The following SEMA6D variants were observed in gnomAD, a reference collection of about 807,000 sequenced individuals.
The protein encoded by SEMA6D is semaphorin-6D.
In SEMA6D, 35 loss-of-function variants were observed where a neutral mutation model predicts 106.6. That is an observed-to-expected ratio of 0.33 (90% confidence interval 0.25 to 0.44). The LOEUF (loss-of-function observed/expected upper bound fraction) is 0.44, where lower values mean the gene tolerates loss of function less well. Among genes scored for constraint, SEMA6D ranks in the 20% least tolerant of loss-of-function variants. SEMA6D has a pLI of 1.00. For synonymous variants in SEMA6D, 499 were observed against 487.7 expected (o/e 1.02, Z -0.31); for missense variants, 1,185 against 1,345.9 (o/e 0.88, Z 1.87).
chr15:47,319,545 C>A (rs188125945), intron 1 of SEMA6D, among the ~76,000 whole-genome samples: 110 of 152,116 alleles, frequency 7.2e-4, no homozygotes, highest in Non-Finnish European at 3.1e-4. Context: ...TTTTCTCCCC[C>A]CACCCCAGGG....
chr15:47,467,425 G>A (rs577475365), intron 2 of SEMA6D, among the ~76,000 whole-genome samples: 2 of 152,244 alleles, frequency 1.3e-5, no homozygotes. Flanking sequence ...GCTAGAAGAG[G>A]CAATGTAGAG....
chr15:47,381,310 A>T (rs2145620276), intron 1 of SEMA6D, among the ~76,000 whole-genome samples: 1 of 152,370 alleles, frequency 6.6e-6, no homozygotes, highest in South Asian at 2.1e-4. Context: ...TTGGCTCATT[A>T]CTGGAAACAG....
chr15:47,727,048 T>C (rs1457773174), intron 1 of SEMA6D, among the ~76,000 whole-genome samples: 1 of 152,188 alleles, frequency 6.6e-6, no homozygotes, highest in East Asian at 1.9e-4. Flanking sequence ...GTCAGCTGTT[T>C]CAGAATTGTG....
chr15:47,727,351 T>C (rs1478880748), intron 1 of SEMA6D, among the ~76,000 whole-genome samples: 1 of 152,210 alleles, frequency 6.6e-6, no homozygotes, highest in African/African-American at 2.4e-5. Flanking sequence ...TCTGTGTTTT[T>C]AAGGAACACT....
rs192402936 is a variant in SEMA6D, at chr15:47,197,948, C to A, written c.-239+13530C>A. Among the ~76,000 whole-genome samples, 485 of 151,642 alleles carry A rather than the reference C, an allele frequency of 3.2e-3. 4 individuals carry two copies. The highest frequency in any genetic ancestry group is 0.011 in the African/African-American group (473 of 41,226). ...TTTTTGGATATATTTAAATCATTTC[C>A]TTGGGGAGTCAAAAGGCTTACTGTC... On this transcript the variant is annotated intron_variant, in intron 1 of 19. Transcript: ENST00000558014.
intron 3 of SEMA6D, among the ~76,000 whole-genome samples, chr15:47,565,441 G>A (rs1403742417): frequency 2.0e-5 from 3 of 152,198 alleles, no homozygotes; most frequent in Admixed American, 6.5e-5. Context: ...ACTCCCTCCC[G>A]TGAGGAGTTG....
At chr15:47,556,756 C>A (rs1186857634) in intron 3 of SEMA6D, among the ~76,000 whole-genome samples, 3 of 152,132 alleles carry the variant, frequency 2.0e-5, no homozygotes, top group African/African-American at 7.2e-5. Flanking sequence ...GGAACCATAA[C>A]ATGGCTGGGG....
intron 4 of SEMA6D, among the ~76,000 whole-genome samples, chr15:47,692,601 C>T (rs2078613163): frequency 6.6e-6 from 1 of 152,184 alleles, no homozygotes; most frequent in Non-Finnish European, 1.5e-5. Flanking sequence ...ACCTGATTCT[C>T]CAATGCTCAA....
chr15:47,594,505 C>T (rs8043206), intron 3 of SEMA6D, among the ~76,000 whole-genome samples: 63,888 of 151,994 alleles, frequency 0.42, 14,950 homozygotes, highest in South Asian at 0.53. Flanking sequence ...TTGCAGGAGA[C>T]GTTCAATTAT....
At chr15:47,672,201 A>G (rs1452256572) in intron 4 of SEMA6D, among the ~76,000 whole-genome samples, 1 of 152,182 alleles carries the variant, frequency 6.6e-6, no homozygotes, top group Non-Finnish European at 1.5e-5. Flanking sequence ...ATTCAAAACC[A>G]GGAAGCCTGG....
At chr15:47,448,255 G>A (rs1055251620) in intron 2 of SEMA6D, among the ~76,000 whole-genome samples, 2 of 152,102 alleles carry the variant, frequency 1.3e-5, no homozygotes, top group African/African-American at 4.8e-5. Flanking sequence ...CGGGATCTTT[G>A]TTCATGCCTG....
At chr15:47,491,181 A>C (rs551378404) in intron 3 of SEMA6D, among the ~76,000 whole-genome samples, 1 of 152,228 alleles carries the variant, frequency 6.6e-6, no homozygotes, top group Non-Finnish European at 1.5e-5. Flanking sequence ...TAAAATAAAA[A>C]AAGTTTTCTA....
intron 4 of SEMA6D, among the ~76,000 whole-genome samples, chr15:47,670,500 C>T (rs2078116677): frequency 6.6e-6 from 1 of 152,176 alleles, no homozygotes; most frequent in Non-Finnish European, 1.5e-5. Flanking sequence ...GCAAGCAAGA[C>T]ATGGGGGAGA....
intron 3 of SEMA6D, among the ~76,000 whole-genome samples, chr15:47,520,114 A>T (rs2044522831): frequency 1.3e-5 from 2 of 152,244 alleles, no homozygotes; most frequent in Admixed American, 1.3e-4. Flanking sequence ...GTGTCTGGGC[A>T]TGTGCAGTTC....
Position 47,634,598 on chromosome 15 carries a change from A to G in SEMA6D, c.-55+33702A>G, listed in dbSNP as rs376574510. 3.3e-4 allele frequency among the ~76,000 whole-genome samples: 50 copies of G among 152,280 alleles called. No homozygotes were observed. In the South Asian group the frequency reaches 0.01, roughly 31 times the overall value. On this transcript the variant is annotated intron_variant, in intron 4 of 19. Transcript: ENST00000558014. ...CCACTGCACCCTGTTGATGCAGCAG[A>G]GGTACGTAGACAGGGGAACAGAAAT...
At chr15:47,753,184 T>A (rs1014987812) in intron 1 of SEMA6D, among the ~76,000 whole-genome samples, 3 of 152,064 alleles carry the variant, frequency 2.0e-5, no homozygotes, top group Non-Finnish European at 4.4e-5. Context: ...TTGAGGAAAG[T>A]GGGAAATTTA....
intron 1 of SEMA6D, among the ~76,000 whole-genome samples, chr15:47,738,955 T>C (rs1157907932): frequency 6.6e-6 from 1 of 152,122 alleles, no homozygotes; most frequent in Non-Finnish European, 1.5e-5. Flanking sequence ...CCTTAGTTCC[T>C]CTCCCTATGG....
intron 1 of SEMA6D, among the ~76,000 whole-genome samples, chr15:47,201,841 A>G (rs1384972124): frequency 1.3e-5 from 2 of 152,102 alleles, no homozygotes; most frequent in South Asian, 2.1e-4. Context: ...GATAATTTCT[A>G]TACCCTACTC....
chr15:47,341,741 GAA>G (rs1462077626), intron 1 of SEMA6D, among the ~76,000 whole-genome samples: 1 of 152,128 alleles, frequency 6.6e-6, no homozygotes, highest in East Asian at 1.9e-4. Context: ...TGTTATTCCA[GAA>G]AAAATTACTC....
Sources: gnomAD v4.1 joint callset for allele counts (sites outside exome capture counted in the v4.1 genomes callset) on GRCh38, gnomAD v4.1.1 for gene constraint, MANE v1.5 for transcripts, NCBI Gene and HGNC (gene_info 2026-07-23, HGNC 2026-07-21) for gene names.